JAM3: variants seen among roughly 807,000 people sequenced by gnomAD.
JAM3 encodes the protein junctional adhesion molecule 3.
In JAM3, 31 loss-of-function variants were observed where a neutral mutation model predicts 39.4. The ratio of observed to expected loss-of-function variants is 0.79; its 90% CI spans 0.59 to 1.06. The LOEUF (loss-of-function observed/expected upper bound fraction) is 1.06, where lower values mean the gene tolerates loss of function less well. Ranked by LOEUF, JAM3 falls within the 50% of genes least tolerant of loss-of-function variation. The pLI is 0.00. For synonymous variants in JAM3, 182 were observed against 148.7 expected, an observed-to-expected ratio of 1.22 and a Z score of -1.63; for missense variants, 455 against 391.4, an observed-to-expected ratio of 1.16 and a Z score of -1.37.
chr11:134,097,818 A>AT (rs1283011699), intron 1 of JAM3, among the ~76,000 whole-genome samples: 1 of 151,718 alleles, frequency 6.6e-6, no homozygotes, highest in Admixed American at 6.6e-5. Flanking sequence ...TGATCTTCAG[A>AT]TTTTTAAATT....
At chr11:134,100,245 C>T (rs983406088) in intron 1 of JAM3, among the ~76,000 whole-genome samples, 1 of 152,162 alleles carries the variant, frequency 6.6e-6, no homozygotes, top group African/African-American at 2.4e-5. Context: ...AAACAAGTTT[C>T]TGTGGCTCAT....
chr11:134,090,674 T>C (rs1190707481), intron 1 of JAM3, among the ~76,000 whole-genome samples: 2 of 152,192 alleles, frequency 1.3e-5, no homozygotes, highest in Non-Finnish European at 2.9e-5. Flanking sequence ...TTCAGTGTTG[T>C]CTGGTTAGCA....
chr11:134,090,880 A>G (rs1034001368), intron 1 of JAM3, among the ~76,000 whole-genome samples: 2 of 152,236 alleles, frequency 1.3e-5, no homozygotes, highest in South Asian at 4.1e-4. Flanking sequence ...CACAATATGA[A>G]AGAATTTCAA....
chr11:134,085,098 G>A (rs1401685311), intron 1 of JAM3, among the ~76,000 whole-genome samples: 6 of 152,194 alleles, frequency 3.9e-5, no homozygotes, highest in East Asian at 3.8e-4. Context: ...AGGGCCTACC[G>A]TGAATGCTAG....
chr11:134,147,387 G>A (rs1943093299), intron 6 of JAM3, among the ~76,000 whole-genome samples: 1 of 145,210 alleles, frequency 6.9e-6, no homozygotes, highest in South Asian at 2.3e-4. Flanking sequence ...CCGGGAGGCG[G>A]AGCTTGCAGT....
chr11:134,099,209 A>G (rs1942033501), intron 1 of JAM3, among the ~76,000 whole-genome samples: 1 of 152,100 alleles, frequency 6.6e-6, no homozygotes, highest in Non-Finnish European at 1.5e-5. Context: ...TCAAAAAATA[A>G]AAATAAAAAT....
intron 1 of JAM3, among the ~76,000 whole-genome samples, chr11:134,114,714 T>C (rs1433797884): frequency 6.6e-6 from 1 of 152,266 alleles, no homozygotes; most frequent in Non-Finnish European, 1.5e-5. Context: ...AAACAAACTT[T>C]GTATGACTTG....
intron 2 of JAM3, among the ~76,000 whole-genome samples, chr11:134,140,423 T>C (rs1942953041): frequency 6.6e-6 from 1 of 152,304 alleles, no homozygotes; most frequent in Non-Finnish European, 1.5e-5. Context: ...AAATTTCTTA[T>C]ATACAAGCAG....
At chr11:134,130,978 C>A (rs1277102901) in intron 1 of JAM3, among the ~76,000 whole-genome samples, 1 of 152,056 alleles carries the variant, frequency 6.6e-6, no homozygotes, top group Non-Finnish European at 1.5e-5. Flanking sequence ...TACAATAGGC[C>A]CTGTAAGGCC....
At chr11:134,111,534 C>G (rs1032078764) in intron 1 of JAM3, among the ~76,000 whole-genome samples, 2 of 149,626 alleles carry the variant, frequency 1.3e-5, no homozygotes, top group African/African-American at 5.1e-5. Context: ...AACTCTACTT[C>G]TCCTCATACC....
intron 1 of JAM3, among the ~76,000 whole-genome samples, chr11:134,079,326 C>G (rs1347918024): frequency 6.6e-6 from 1 of 152,166 alleles, no homozygotes; most frequent in Non-Finnish European, 1.5e-5. Context: ...ACTTAGTCTA[C>G]TAGTAACAGC....
At chr11:134,074,363 A>G (rs1180751771) in intron 1 of JAM3, among the ~76,000 whole-genome samples, 1 of 152,224 alleles carries the variant, frequency 6.6e-6, no homozygotes, top group Non-Finnish European at 1.5e-5. Flanking sequence ...CAGTAGATAC[A>G]ATAGTGGAAT....
intron 1 of JAM3, among the ~76,000 whole-genome samples, chr11:134,132,119 G>A (rs865882071): frequency 9.2e-5 from 14 of 152,144 alleles, no homozygotes; most frequent in African/African-American, 3.1e-4. Flanking sequence ...ATCAACCAAA[G>A]AGACTCACAC....
chr11:134,124,156 C>G, intron 1 of JAM3: 1 of 1,459,176 alleles, frequency 6.9e-7, no homozygotes, highest in East Asian at 2.3e-5. Context: ...TGGATTCCTT[C>G]TTTTTCAACT....
intron 1 of JAM3, among the ~76,000 whole-genome samples, chr11:134,093,167 G>A (rs1178883609): frequency 8.1e-6 from 1 of 124,186 alleles, no homozygotes; most frequent in Non-Finnish European, 1.6e-5. Context: ...GTCACTTCCT[G>A]AGGGAAGCTT....
chr11:134,138,669 T>G (rs1942918165), intron 1 of JAM3, among the ~76,000 whole-genome samples: 1 of 152,252 alleles, frequency 6.6e-6, no homozygotes, highest in Admixed American at 6.5e-5. Context: ...GGAGTAGCCA[T>G]GGTTATCCAA....
intron 1 of JAM3, among the ~76,000 whole-genome samples, chr11:134,074,088 T>C (rs1434743796): frequency 6.6e-6 from 1 of 152,196 alleles, no homozygotes; most frequent in Admixed American, 6.5e-5. Flanking sequence ...ATCATTTAAG[T>C]GACACAAGCT....
intron 1 of JAM3, among the ~76,000 whole-genome samples, chr11:134,109,242 G>A (rs1481146242): frequency 2.0e-5 from 3 of 151,892 alleles, no homozygotes; most frequent in African/African-American, 7.3e-5. Context: ...GATTACAGGC[G>A]TGAGCCACCG....
At chr11:134,131,130 A>G (rs1942761256) in intron 1 of JAM3, among the ~76,000 whole-genome samples, 3 of 151,092 alleles carry the variant, frequency 2.0e-5, no homozygotes, top group African/African-American at 7.3e-5. Flanking sequence ...GATTCATCCC[A>G]GGCTGATCTC....
Sources: gnomAD v4.1 joint callset for allele counts (sites outside exome capture counted in the v4.1 genomes callset) on GRCh38, gnomAD v4.1.1 for gene constraint, MANE v1.5 for transcripts, NCBI Gene and HGNC (gene_info 2026-07-23, HGNC 2026-07-21) for gene names.